IL1RAPL1: variants seen among roughly 807,000 people sequenced by gnomAD.
IL1RAPL1 encodes the protein interleukin-1 receptor accessory protein-like 1.
Under a neutral mutation model 48.4 loss-of-function variants are expected in IL1RAPL1, and 3 were observed. The ratio of observed to expected loss-of-function variants is 0.06; its 90% CI spans 0.03 to 0.16. The LOEUF is 0.16. Ranked by LOEUF, IL1RAPL1 falls within the 10% of genes least tolerant of loss-of-function variation. The pLI is 1.00. For missense variants in IL1RAPL1, 349 were observed against 530.6 expected, an observed-to-expected ratio of 0.66 and a Z score of 3.36; for synonymous variants, 185 against 187.7, an observed-to-expected ratio of 0.99 and a Z score of 0.12.
intron 5 of IL1RAPL1, among the ~76,000 whole-genome samples, chrX:29,613,123 C>T (rs1217433460): frequency 8.9e-6 from 1 of 112,146 alleles, no homozygotes; most frequent in Non-Finnish European, 1.9e-5. Context: ...AATATAATGA[C>T]AGCCCAAAGA....
At chrX:28,955,160 A>G (rs1158247625) in intron 2 of IL1RAPL1, among the ~76,000 whole-genome samples, 3 of 111,783 alleles carry the variant, frequency 2.7e-5, no homozygotes, top group Non-Finnish European at 5.7e-5. Flanking sequence ...ATAATGAAAT[A>G]TAGACTCCTA....
At chrX:28,833,411 C>T (rs1483436079) in intron 2 of IL1RAPL1, among the ~76,000 whole-genome samples, 2 of 111,761 alleles carry the variant, frequency 1.8e-5, no homozygotes, top group African/African-American at 3.2e-5. Flanking sequence ...CAGCTTTCCA[C>T]AGTGGCTGAG....
At chrX:29,938,233 A>G (rs1181273555) in intron 8 of IL1RAPL1, among the ~76,000 whole-genome samples, 2 of 112,209 alleles carry the variant, frequency 1.8e-5, no homozygotes, top group South Asian at 7.4e-4. Flanking sequence ...CCTGTATTCA[A>G]TTTCTCAAAA....
chrX:29,673,700 C>T (rs1044627028), intron 6 of IL1RAPL1, among the ~76,000 whole-genome samples: 12 of 111,459 alleles, frequency 1.1e-4, no homozygotes, highest in South Asian at 3.7e-4. Context: ...AAATAGACAT[C>T]GTAATTAAAC....
chrX:29,274,018 A>G (rs1932082178), intron 2 of IL1RAPL1, among the ~76,000 whole-genome samples: 1 of 111,986 alleles, frequency 8.9e-6, no homozygotes, highest in African/African-American at 3.2e-5. Context: ...AAACACATGC[A>G]AAGTTACATA....
At chrX:29,334,352 G>A (rs1167860391) in intron 3 of IL1RAPL1, among the ~76,000 whole-genome samples, 4 of 93,910 alleles carry the variant, frequency 4.3e-5, no homozygotes, top group Non-Finnish European at 8.6e-5. Context: ...CCTCCTGGAC[G>A]GGGCGACTGG....
At position 29,274,851 on chromosome X, in the gene IL1RAPL1, G is replaced by C. The variant is rs373268323; in HGVS notation, c.83-8087G>C. Among the ~76,000 whole-genome samples, 39 of 111,164 alleles carry C rather than the reference G, an allele frequency of 3.5e-4. No individual in the cohort carries two copies. In the East Asian group the frequency reaches 8.5e-3, roughly 24 times the overall value. On this transcript the variant is annotated intron_variant, in intron 2 of 10. Coordinates refer to ENST00000378993, the MANE Select transcript of IL1RAPL1 (RefSeq NM_014271.4). ...TCTGGAATCCTGATTTGAAATCTCA[G>C]AGTCATCCTAGACTCCTTCTCCTCC...
At chrX:28,634,327 G>A (rs5985885) in intron 1 of IL1RAPL1, among the ~76,000 whole-genome samples, 8 of 101,119 alleles carry the variant, frequency 7.9e-5, no homozygotes, top group African/African-American at 3.0e-4. Context: ...ATATATATAT[G>A]TGTGTGTGTG....
chrX:29,344,401 A>C (rs2147648032), intron 3 of IL1RAPL1, among the ~76,000 whole-genome samples: 1 of 112,212 alleles, frequency 8.9e-6, no homozygotes, highest in East Asian at 2.8e-4. Context: ...TGTTCACAGA[A>C]AAGGGAAATT....
rs200350601 is a variant in IL1RAPL1 at position 28,676,137 on chromosome X, A to AT, written c.-25+88099dup. On this transcript the variant is annotated intron_variant, in intron 1 of 10. Transcript: ENST00000378993. The stretch of plus-strand genomic sequence containing the variant: ...AGTGGTAATAGCTTCACTATTCTTA[A>AT]TTTTTTTTTACCACAACACTTAATT... Among the ~76,000 whole-genome samples the AT allele has an allele frequency of 3.4e-3, 379 of 110,811 alleles. 2 individuals are homozygous for AT. Among genetic ancestry groups the AT allele is most frequent in the African/African-American group, 0.011 (349 of 30,567 alleles).
chrX:29,802,895 A>ATATATGTGTACATATGTATACATATATG (rs1491503157), intron 6 of IL1RAPL1, among the ~76,000 whole-genome samples: 2 of 68,563 alleles, frequency 2.9e-5, no homozygotes, highest in African/African-American at 1.3e-4. Context: ...ATATGTATAC[A>ATATATGTGTACATATGTATACATATATG]TATATATGTG....
intron 6 of IL1RAPL1, among the ~76,000 whole-genome samples, chrX:29,793,962 G>A (rs1259140096): frequency 1.8e-5 from 2 of 112,098 alleles, no homozygotes; most frequent in Non-Finnish European, 3.8e-5. Flanking sequence ...CTAACAGTAG[G>A]GGAGGATATG....
chrX:28,648,871 A>C (rs1342932417), intron 1 of IL1RAPL1, among the ~76,000 whole-genome samples: 1 of 112,063 alleles, frequency 8.9e-6, no homozygotes, highest in Non-Finnish European at 1.9e-5. Context: ...AGTGGGATAC[A>C]AAGTTACATT....
At position 29,672,726 on chromosome X, in the gene IL1RAPL1, A is replaced by G. The variant is rs1040499151; in HGVS notation, c.778+4222A>G. Among the ~76,000 whole-genome samples, 5 of 112,097 alleles carry G rather than the reference A, an allele frequency of 4.5e-5. No homozygotes were observed. The East Asian group carries it at 8.4e-4, about 19-fold the overall frequency. On this transcript the variant is annotated intron_variant, in intron 6 of 10. Coordinates refer to ENST00000378993, the MANE Select transcript of IL1RAPL1 (RefSeq NM_014271.4). ...AATACTAACTGACAATAAGTTCTTC[A>G]CAGCACAAAGGACACACACCTCTAA... is the stretch of plus-strand genomic sequence containing the variant.
At chrX:29,631,805 A>G (rs1009249539) in intron 5 of IL1RAPL1, among the ~76,000 whole-genome samples, 1 of 110,910 alleles carries the variant, frequency 9.0e-6, no homozygotes, top group African/African-American at 3.3e-5. Context: ...AAATAATAAT[A>G]ATAATAAAAT....
intron 6 of IL1RAPL1, among the ~76,000 whole-genome samples, chrX:29,722,949 C>T (rs1283716697): frequency 8.9e-6 from 1 of 112,261 alleles, no homozygotes; most frequent in African/African-American, 3.2e-5. Context: ...AGATCTTGCA[C>T]ATTTCTTATA....
At chrX:29,815,734 T>A (rs1333428246) in intron 6 of IL1RAPL1, among the ~76,000 whole-genome samples, 1 of 111,285 alleles carries the variant, frequency 9.0e-6, no homozygotes, top group African/African-American at 3.3e-5. Context: ...ATGGCTCTTA[T>A]TTTTAGTTAT....
intron 2 of IL1RAPL1, among the ~76,000 whole-genome samples, chrX:29,064,587 G>A (rs766513971): frequency 1.8e-5 from 2 of 108,877 alleles, no homozygotes; most frequent in African/African-American, 6.6e-5. Context: ...TTTTTGTTTT[G>A]TTTTGTTTCT....
At chrX:28,983,570 A>T (rs1015094538) in intron 2 of IL1RAPL1, among the ~76,000 whole-genome samples, 5 of 112,070 alleles carry the variant, frequency 4.5e-5, no homozygotes, top group Non-Finnish European at 9.4e-5. Context: ...ATTTACGCTA[A>T]CATTGGAGTT....
Sources: allele counts gnomAD v4.1 joint callset (sites outside exome capture counted in the v4.1 genomes callset), GRCh38; gene constraint gnomAD v4.1.1; transcripts MANE v1.5; gene names NCBI Gene and HGNC (gene_info 2026-07-23, HGNC 2026-07-21).